The following BAZ1A variants were observed in gnomAD, a reference collection of about 807,000 sequenced individuals.
The protein encoded by BAZ1A is bromodomain adjacent to zinc finger domain protein 1A.
A neutral mutation model predicts 185.2 loss-of-function variants in BAZ1A; 50 were observed. That is an observed-to-expected ratio of 0.27 (90% CI 0.22 to 0.34). The LOEUF (loss-of-function observed/expected upper bound fraction) is 0.34. BAZ1A is among the 10% of genes least tolerant of loss of function. The pLI is 1.00. For missense variants in BAZ1A, 1,356 were observed against 1,839.9 expected (o/e 0.74, Z 4.81); for synonymous variants, 571 against 615.6 (o/e 0.93, Z 1.07).
At position 34,776,467 on chromosome 14, in the gene BAZ1A, A is replaced by T; in HGVS notation, c.2285T>A (p.Ile762Asn). The change falls in exon 18 of 27, where the codon ATC becomes AAC. Residue 762 changes from isoleucine to asparagine, a missense_variant. Transcript: ENST00000360310. ...AAGAGGCTCTCTTGTTACACAGTTG[A>T]TCTGTTCTTGCCTTGTAAATTCTTT... ...GFKEFTRQEQ[I>N]NCVTREPLTA... The T allele has an allele frequency of 6.2e-7, 1 of 1,613,400 alleles. No homozygotes were observed. The highest frequency in any genetic ancestry group is 2.2e-5 in the East Asian group (1 of 44,884).
At chr14:34,865,286 C>A (rs2042839181) in intron 2 of BAZ1A, among the ~76,000 whole-genome samples, 1 of 152,056 alleles carries the variant, frequency 6.6e-6, no homozygotes. Context: ...TATACATATG[C>A]AAAAGGGTTA....
chr14:34,866,370 C>G (rs556494762), intron 2 of BAZ1A, among the ~76,000 whole-genome samples: 4 of 151,828 alleles, frequency 2.6e-5, no homozygotes, highest in African/African-American at 9.7e-5. Flanking sequence ...TGCCTGTAGT[C>G]CTAGCTACTC....
At position 34,826,149 on chromosome 14, in the gene BAZ1A, A is replaced by G. The variant is rs936046651; in HGVS notation, c.400T>C (p.Cys134Arg). The G allele has an allele frequency of 6.2e-7, 1 of 1,608,494 alleles. No homozygotes were observed. The highest frequency in any genetic ancestry group is 1.7e-5 in the Admixed American group (1 of 58,564). The change falls in exon 4 of 27, where the codon TGT becomes CGT. Residue 134 changes from cysteine (C) to arginine (R), a missense_variant. By Grantham distance (180) the Cys-to-Arg change is radical. Transcript: ENST00000360310. ...GGAGGGAGGACTTCCAAAATCCTAC[A>G]CTGCAACCTGAAATAAAATGATACA... ...VIRNNGARLQ[C>R]RILEVLPPSH... is the part of the protein sequence containing the mutation.
intron 4 of BAZ1A, among the ~76,000 whole-genome samples, chr14:34,816,347 A>G (rs968972844): frequency 4.6e-5 from 7 of 152,070 alleles, no homozygotes; most frequent in Non-Finnish European, 8.8e-5. Context: ...CTGGCCTCCC[A>G]AAGTGCTGAG....
chr14:34,836,405 A>C lies in BAZ1A; in HGVS notation c.393-10249T>G, dbSNP rs1283626908. 2.0e-5 allele frequency among the ~76,000 whole-genome samples: 3 copies of C among 148,762 alleles called. 1 individual carries two copies. The East Asian group carries it at 5.9e-4, about 29-fold the overall frequency. On this transcript the variant is annotated intron_variant, in intron 3 of 26. Transcript: ENST00000360310. Reference sequence around the variant, plus strand: ...AAAAAAAAAAAAAAAAAAAAAAAAAAAAAAAAAAAAAAAACTTTCTATAAC... The same window carrying C: ...AAAAAAAAAAAAAAAAAAAAAAAAACAAAAAAAAAAAAAACTTTCTATAAC...
intron 4 of BAZ1A, among the ~76,000 whole-genome samples, chr14:34,815,585 C>T (rs1030014381): frequency 6.6e-6 from 1 of 152,112 alleles, no homozygotes; most frequent in African/African-American, 2.4e-5. Context: ...TCATTCACAA[C>T]AAAATTTCAC....
rs1879945898 is a variant in BAZ1A at position 34,780,213 on chromosome 14, G to C, written c.2209C>G (p.Pro737Ala). ...CTTCTGCCTCTTTTATGTGATCCTG[G>C]GTCATCTTCATCTTCAGTGACCATA... is the stretch of plus-strand genomic sequence containing the variant. ...QDMVTEDEDD[P>A]GSHKRGRRGK... The change falls in exon 17 of 27, where the codon CCA becomes GCA. Residue 737 changes from proline to alanine, a missense_variant. Transcript: ENST00000360310. The C allele has an allele frequency of 6.2e-7, 1 of 1,613,116 alleles. No individual in the cohort carries two copies.
intron 20 of BAZ1A, among the ~76,000 whole-genome samples, chr14:34,772,732 G>A (rs984381482): frequency 6.6e-6 from 1 of 152,036 alleles, no homozygotes; most frequent in Non-Finnish European, 1.5e-5. Flanking sequence ...GAATAGATGG[G>A]ACTACAAGTG....
At chr14:34,766,346 T>A (rs917646236) in intron 21 of BAZ1A, among the ~76,000 whole-genome samples, 4 of 152,204 alleles carry the variant, frequency 2.6e-5, no homozygotes, top group African/African-American at 9.7e-5. Flanking sequence ...CTTCAAGGAA[T>A]GTTTAGTACA....
Position 34,874,148 on chromosome 14 carries a change from C to T in BAZ1A, c.113+344G>A, listed in dbSNP as rs1711973366. On this transcript the variant is annotated intron_variant, in intron 2 of 26. Coordinates refer to ENST00000360310, the MANE Select transcript of BAZ1A (RefSeq NM_013448.3). This position sits in a 1 kb window ranked among gnomAD's most constrained non-coding sequence, Gnocchi z 4.7. ...ATCCCGGAACTGGCCCCGGAGTGCGCGTGTGGCCGCGGCGGGGAGGGGCGA... is the reference window on the plus strand; with the variant it reads ...ATCCCGGAACTGGCCCCGGAGTGCGTGTGTGGCCGCGGCGGGGAGGGGCGA... Among the ~76,000 whole-genome samples the T allele has an allele frequency of 6.6e-6, 1 of 151,976 alleles. No individual in the cohort carries two copies.
At chr14:34,759,184 T>TTTTTTTTTTGTTTTG (rs1555336970) in intron 24 of BAZ1A, among the ~76,000 whole-genome samples, 3 of 108,028 alleles carry the variant, frequency 2.8e-5, no homozygotes, top group African/African-American at 1.2e-4. Context: ...TTTTTTTTTT[T>TTTTTTTTTTGTTTTG]TTTTTTTTTT....
rs1054499436 is a variant in BAZ1A at position 34,874,181 on chromosome 14, A to T, written c.113+311T>A. 2.0e-5 allele frequency among the ~76,000 whole-genome samples: 3 copies of T among 151,304 alleles called. No homozygotes were observed. The highest frequency in any genetic ancestry group is 2.4e-5 in the African/African-American group (1 of 41,198). On this transcript the variant is annotated intron_variant, in intron 2 of 26. Transcript: ENST00000360310. The surrounding 1 kb of genome is among the most constrained non-coding windows in gnomAD (Gnocchi z 4.7). ...CGCGGCGGGGAGGGGCGAGGCGGGG[A>T]GTTTCCGCCGCCCCGCGGCCAAGAG...
At chr14:34,827,078 T>TTC (rs1211177061) in intron 3 of BAZ1A, among the ~76,000 whole-genome samples, 3 of 139,042 alleles carry the variant, frequency 2.2e-5, no homozygotes, top group African/African-American at 7.6e-5. Flanking sequence ...TCCCCATCCC[T>TTC]TCTCCTATCT....
intron 2 of BAZ1A, among the ~76,000 whole-genome samples, chr14:34,868,692 T>C (rs909344766): frequency 6.6e-6 from 1 of 151,618 alleles, no homozygotes; most frequent in Non-Finnish European, 1.5e-5. Context: ...TCCTAGCTAC[T>C]CGGGACGCTG....
rs751004122 is a variant in BAZ1A, at chr14:34,780,258, G to C, written c.2164C>G (p.Gln722Glu). The C allele has an allele frequency of 8.7e-6, 14 of 1,613,064 alleles. No individual in the cohort carries two copies. The highest frequency in any genetic ancestry group is 1.7e-6 in the Non-Finnish European group (2 of 1,179,576). ...ACCATATCTTGATCTAATTCCTTTT[G>C]CTCTGTGTCTTTGCTCTCAATGCTA... ...DTSIESKDTE[Q>E]KELDQDMVTE... Residue 722 changes from glutamine (Q) to glutamate (E), a missense_variant, in exon 17 of 27, where the codon CAA becomes GAA. By Grantham distance (29) the Gln-to-Glu change is conservative. Coordinates refer to ENST00000360310, the MANE Select transcript of BAZ1A (RefSeq NM_013448.3).
intron 3 of BAZ1A, among the ~76,000 whole-genome samples, chr14:34,857,453 G>A (rs1341745477): frequency 1.3e-5 from 2 of 152,128 alleles, no homozygotes; most frequent in African/African-American, 4.8e-5. Flanking sequence ...CAATAGACAT[G>A]AGCTAAGCTT....
At chr14:34,825,442 T>G (rs1380068543) in intron 4 of BAZ1A, among the ~76,000 whole-genome samples, 1 of 48,670 alleles carries the variant, frequency 2.1e-5, no homozygotes, top group East Asian at 4.4e-4. Context: ...ATGGAAACTC[T>G]GTCTCAAAAA....
chr14:34,780,662 A>C (rs1031944869), intron 16 of BAZ1A, among the ~76,000 whole-genome samples: 5 of 152,222 alleles, frequency 3.3e-5, no homozygotes, highest in Admixed American at 6.5e-5. Context: ...AATGGCACAG[A>C]GCTCAAGAGA....
At chr14:34,756,464 CTATTT>C (rs1236019228) in intron 25 of BAZ1A, among the ~76,000 whole-genome samples, 4 of 107,166 alleles carry the variant, frequency 3.7e-5, no homozygotes, top group Admixed American at 1.0e-4. Context: ...GCCAGAATAC[CTATTT>C]TTTTTTTTTT....
Sources: allele counts gnomAD v4.1 joint callset (sites outside exome capture counted in the v4.1 genomes callset), GRCh38; gene constraint gnomAD v4.1.1; non-coding constraint Gnocchi (gnomAD v3.1); transcripts MANE v1.5; gene names NCBI Gene and HGNC (gene_info 2026-07-23, HGNC 2026-07-21).